Variants in NSMF observed in about 807,000 individuals in gnomAD.
The protein encoded by NSMF is nasal embryonic LHRH factor.
In NSMF, 31 loss-of-function variants were observed where a neutral mutation model predicts 71.0. That is an observed-to-expected ratio of 0.44 (90% CI 0.33 to 0.59). The LOEUF is 0.59. NSMF is among the 20% of genes least tolerant of loss of function. The pLI is 0.04. For synonymous variants in NSMF, 345 were observed against 287.1 expected (o/e 1.20, Z -2.04); for missense variants, 673 against 740.5 (o/e 0.91, Z 1.06).
chr9:137,455,902 C>A (rs1018677551), intron 4 of NSMF, among the ~76,000 whole-genome samples: 22 of 152,302 alleles, frequency 1.4e-4, no homozygotes, highest in African/African-American at 5.1e-4. Context: ...GGGGTGGACT[C>A]CCCCGGGCAG....
chr9:137,457,985 C>G, intron 2 of NSMF, 84 bp from the exon 3 acceptor site: 1 of 1,526,430 alleles, frequency 6.6e-7, no homozygotes, highest in East Asian at 2.4e-5. Context: ...CAGAGAACAC[C>G]CAGTGGGCAC....
intron 6 of NSMF, 162 bp downstream of exon 6, chr9:137,455,077 C>T (rs563638644): frequency 1.1e-4 from 88 of 808,466 alleles, no homozygotes; most frequent in Middle Eastern, 9.2e-4. Flanking sequence ...TCCTGCAGCC[C>T]GGGCCACATG....
chr9:137,454,264 G>A (rs916691803), intron 7 of NSMF, 127 bp downstream of exon 7: 1 of 919,166 alleles, frequency 1.1e-6, no homozygotes, highest in Non-Finnish European at 1.7e-6. Flanking sequence ...GCTGGAAGGG[G>A]AGGAGCCTGA....
Position 137,453,799 on chromosome 9 carries a change from C to A in NSMF, c.854G>T (p.Arg285Leu). Residue 285 changes from arginine to leucine, a missense_variant, in exon 8 of 16, where the codon CGG (arginine) becomes CTG (leucine). Transcript: ENST00000371475. The surrounding 1 kb of genome is among the most constrained non-coding windows in gnomAD (Gnocchi z 4.5). ...GTCGCTCCAGGACCGGCTGAAGCTC[C>A]GCTCGCGCCGCTCAGCGAACGCTGC... The part of the protein sequence containing the change: ...KAQTFAERRE[R>L]SFSRSWSDPT... 6.3e-7 allele frequency: 1 copy of A among 1,595,436 alleles called. No individual in the cohort carries two copies. The highest frequency in any genetic ancestry group is 8.5e-7 in the Non-Finnish European group (1 of 1,176,982).
chr9:137,454,216 G>A (rs1436700978), intron 7 of NSMF, among the ~76,000 whole-genome samples, 175 bp downstream of exon 7: 1 of 116,982 alleles, frequency 8.5e-6, no homozygotes, highest in African/African-American at 3.3e-5. Flanking sequence ...TGGGGGCGTG[G>A]CTGGGAGGGG....
At chr9:137,454,803 G>C in intron 6 of NSMF, 1 of 1,361,960 alleles carries the variant, frequency 7.3e-7, no homozygotes, top group Non-Finnish European at 9.6e-7. Flanking sequence ...CTGCAGCAGA[G>C]CGGGGCTCCT....
Position 137,457,281 on chromosome 9 carries a change from G to A in NSMF, c.628+126C>T. On this transcript the variant is annotated intron_variant, in intron 3 of 15. Transcript: ENST00000371475. ...AGAAGCCTGCCGGTTTTAATCTTGA[G>A]TCCGCTGGCATGCTGTGACCTGAGC... 3 of 1,361,626 alleles carry A rather than the reference G, an allele frequency of 2.2e-6. No individual in the cohort carries two copies. In the South Asian group the frequency reaches 3.6e-5, roughly 16 times the overall value. The allele number at this position is 1,361,626 out of a possible 1,614,324, so 84.3% of individuals were successfully genotyped here. A position where few individuals can be genotyped will look rare whatever the true frequency, so the allele number is the denominator to read the frequency against.
At position 137,459,329 on chromosome 9, in the gene NSMF, C is replaced by G. The variant is rs370662431; in HGVS notation, c.-227G>C. 17 of 170,552 alleles carry G rather than the reference C, an allele frequency of 1.0e-4. No homozygotes were observed. In the East Asian group the frequency reaches 2.4e-3, roughly 24 times the overall value. The allele number at this position is 170,552 out of a possible 1,614,324, so 10.6% of individuals were successfully genotyped here. A position where few individuals can be genotyped will look rare whatever the true frequency, so the allele number is the denominator to read the frequency against. On this transcript the variant is annotated 5_prime_UTR_variant, in exon 1 of 16. Coordinates refer to ENST00000371475, the MANE Select transcript of NSMF (RefSeq NM_001130969.3). ...CCGCCGCTCCCGGGAGAGCGCTGCC[C>G]GAACCGAGGGCCGGCCCCGCCCATC...
chr9:137,449,540 C>T, intron 15 of NSMF, 49 bp from the exon 16 acceptor site: 1 of 1,610,044 alleles, frequency 6.2e-7, no homozygotes, highest in Non-Finnish European at 8.5e-7. Flanking sequence ...CCCTGGGGAT[C>T]CCACCCCACC....
chr9:137,453,279 G>A lies in NSMF; in HGVS notation c.923-99C>T, dbSNP rs1830638046. The A allele has an allele frequency of 3.8e-6, 6 of 1,562,980 alleles. No individual in the cohort carries two copies. The highest frequency in any genetic ancestry group is 3.8e-4 in the Middle Eastern group (2 of 5,196). On this transcript the variant is annotated intron_variant, in intron 8 of 15. Transcript: ENST00000371475. This position sits in a 1 kb window ranked among gnomAD's most constrained non-coding sequence, Gnocchi z 4.5. ...CAGGGCCCGAAAGCCCCATCCCGGA[G>A]GGTCCTCCAAGCAAGTGGGAGGACC...
chr9:137,457,043 A>G (rs544630776), intron 3 of NSMF, among the ~76,000 whole-genome samples: 2 of 151,718 alleles, frequency 1.3e-5, no homozygotes, highest in Non-Finnish European at 2.9e-5. Context: ...CTGGGCCCCA[A>G]CAGCTCCCCA....
In NSMF at chr9:137,453,165, C is replaced by T. The variant is rs534406888; in HGVS notation, c.938G>A (p.Ser313Asn). ...HDSRDSSDLQ[S>N]SHCTLDEAFE... ...GGCCTCGTCCAGCGTGCAGTGGGAG[C>T]TCTGCAGGTCACTGCCTGGGAAGCA... The change falls in exon 9 of 16, where the codon AGC (serine) becomes AAC (asparagine). Residue 313 changes from serine to asparagine, a missense_variant. Coordinates refer to ENST00000371475, the MANE Select transcript of NSMF (RefSeq NM_001130969.3). This position sits in a 1 kb window ranked among gnomAD's most constrained non-coding sequence, Gnocchi z 4.5. 1.2e-6 allele frequency: 2 copies of T among 1,612,628 alleles called. No homozygotes were observed. Among genetic ancestry groups the T allele is most frequent in the Non-Finnish European group, 1.7e-6 (2 of 1,179,898 alleles).
chr9:137,453,947 C>T lies in NSMF; in HGVS notation c.833-127G>A. On this transcript the variant is annotated intron_variant, in intron 7 of 15. Coordinates refer to ENST00000371475, the MANE Select transcript of NSMF (RefSeq NM_001130969.3). The surrounding 1 kb of genome is among the most constrained non-coding windows in gnomAD (Gnocchi z 4.5). ...GCTAATGTGGGTGGGGTCTAAGGCA[C>T]ATGAAGCAGACACGGACCAGAGGCT... 2.6e-6 allele frequency: 2 copies of T among 773,072 alleles called. No homozygotes were observed. The highest frequency in any genetic ancestry group is 2.2e-5 in the Admixed American group (1 of 45,096). 47.9% of individuals were successfully genotyped at this position (773,072 alleles called of 1,614,324 possible). A position where few individuals can be genotyped will look rare whatever the true frequency, so the allele number is the denominator to read the frequency against.
Position 137,456,700 on chromosome 9 carries a change from C to T in NSMF, c.629-214G>A, listed in dbSNP as rs181402036. ...CAAGACCACGCTCTTGGTAACTTGA[C>T]GCTTTGATTTTTTTGGCTTAACTTT... On this transcript the variant is annotated intron_variant, in intron 3 of 15. Transcript: ENST00000371475. 3.9e-5 allele frequency among the ~76,000 whole-genome samples: 6 copies of T among 152,326 alleles called. No individual in the cohort carries two copies. The East Asian group carries it at 9.6e-4, about 24-fold the overall frequency.
At position 137,454,421 on chromosome 9, in the gene NSMF, T is replaced by C. The variant is rs1274553835; in HGVS notation, c.802A>G (p.Met268Val). The C allele has an allele frequency of 5.2e-6, 8 of 1,549,464 alleles. No individual in the cohort carries two copies. The highest frequency in any genetic ancestry group is 7.0e-6 in the Non-Finnish European group (8 of 1,146,414). The change falls in exon 7 of 16, where the codon ATG becomes GTG. Residue 268 changes from methionine (M) to valine (V), a missense_variant. Physicochemically the swap from Met to Val is conservative, Grantham distance 21. This residue lies in a region of NSMF where 471 missense variants were observed against 459.6 expected (regional missense o/e 1.02). Coordinates refer to ENST00000371475, the MANE Select transcript of NSMF (RefSeq NM_001130969.3). ...IQRNFRKHLR[M>V]VGSRRVKAQT... is the part of the protein sequence containing the mutation. ...GCCTTCACCCTCCGGCTGCCGACCA[T>C]GCGCAGGTGTTTGCGGAAGTTCCTG...
chr9:137,457,649 T>C lies in NSMF; in HGVS notation c.386A>G (p.Gln129Arg). The C allele has an allele frequency of 6.5e-7, 1 of 1,549,312 alleles. No individual in the cohort carries two copies. The highest frequency in any genetic ancestry group is 8.7e-7 in the Non-Finnish European group (1 of 1,146,234). Reference protein sequence around the residue: ...IELAVVKGRRQRHPHHHSQPL... With the variant: ...IELAVVKGRRRRHPHHHSQPL... ...CTGGCTGTGATGGTGAGGGTGCCGC[T>C]GCCGCCGCCCCTTCACCACCGCCAG... The change falls in exon 3 of 16, where the codon CAG (glutamine) becomes CGG (arginine). Residue 129 changes from glutamine (Q) to arginine (R), a missense_variant. Physicochemically the swap from Gln to Arg is conservative, Grantham distance 43. Transcript: ENST00000371475.
rs994744699 is a variant in NSMF, at chr9:137,447,625, C to T, written c.*1769G>A. 5 of 150,464 alleles carry T rather than the reference C, an allele frequency of 3.3e-5. No individual in the cohort carries two copies. The highest frequency in any genetic ancestry group is 1.2e-4 in the African/African-American group (5 of 40,738). The allele number at this position is 150,464 out of a possible 1,614,324, so 9.3% of individuals were successfully genotyped here. A position where few individuals can be genotyped will look rare whatever the true frequency, so the allele number is the denominator to read the frequency against. On this transcript the variant is annotated 3_prime_UTR_variant, in exon 16 of 16. Transcript: ENST00000371475. The stretch of plus-strand genomic sequence containing the variant: ...AAATTGGCACCAAAACCTGCCCCCT[C>T]CCGGGACCCCATCTAGAATGCCCTG...
At chr9:137,455,019 A>C (rs1335511117) in intron 6 of NSMF, 1 of 728,118 alleles carries the variant, frequency 1.4e-6, no homozygotes, top group Admixed American at 2.0e-5. Context: ...GCCCCAGCCC[A>C]GACAGAGACA....
At chr9:137,456,534 G>A (rs765479883) in intron 3 of NSMF, 48 bp from the exon 4 acceptor site, 1 of 1,289,970 alleles carries the variant, frequency 7.8e-7, no homozygotes, top group Non-Finnish European at 1.1e-6. Flanking sequence ...AGGGGTTCCT[G>A]AAGCCTCTCC....
Sources: gnomAD v4.1 joint callset for allele counts (sites outside exome capture counted in the v4.1 genomes callset) on GRCh38, gnomAD v4.1.1 for gene constraint, gnomAD v4.1.1 regional missense constraint, Gnocchi (gnomAD v3.1) non-coding constraint, MANE v1.5 for transcripts, NCBI Gene and HGNC (gene_info 2026-07-23, HGNC 2026-07-21) for gene names.